Variants in EDEM2 observed in about 807,000 individuals in gnomAD.
EDEM2 encodes ER degradation enhancing alpha-mannosidase like protein 2.
A neutral mutation model predicts 64.8 loss-of-function variants in EDEM2; 39 were observed. That is an observed-to-expected ratio of 0.60 (90% CI 0.47 to 0.79). EDEM2 has a LOEUF of 0.79. EDEM2 is among the 30% of genes least tolerant of loss of function. The pLI is 0.00. For missense variants in EDEM2, 609 were observed against 731.3 expected (o/e 0.83, Z 1.93); for synonymous variants, 296 against 291.5 (o/e 1.02, Z -0.16).
At chr20:35,123,852 A>T (rs1265703011) in intron 9 of EDEM2, 38 bp downstream of exon 9, 3 of 1,606,466 alleles carry the variant, frequency 1.9e-6, no homozygotes, top group Non-Finnish European at 2.6e-6. Context: ...CAGCAACCAG[A>T]GCCTGTGGGC....
In EDEM2 at chr20:35,147,199, A is replaced by G. The variant is rs774894008; in HGVS notation, c.60T>C (p.His20=). 4 of 1,604,234 alleles carry G rather than the reference A, an allele frequency of 2.5e-6. No homozygotes were observed. Among genetic ancestry groups the G allele is most frequent in the South Asian group, 1.1e-5 (1 of 90,138 alleles). The change falls in exon 1 of 11, where the codon CAT becomes CAC. Residue 20 remains histidine (H), a synonymous_variant. Coordinates refer to ENST00000374492, the MANE Select transcript of EDEM2 (RefSeq NM_018217.3). ...GLLCALLPQH[H]GAPGPDGSAP... is the part of the protein sequence containing the mutation. Reference sequence around the variant, plus strand: ...CGGAGCCGTCGGGACCTGGCGCACCATGGTGCTGAGGCAGCAGCGCGCACA... The same window carrying G: ...CGGAGCCGTCGGGACCTGGCGCACCGTGGTGCTGAGGCAGCAGCGCGCACA...
chr20:35,131,864 C>G (rs994989253), intron 6 of EDEM2, 81 bp from the exon 7 acceptor site: 1 of 1,524,170 alleles, frequency 6.6e-7, no homozygotes, highest in Non-Finnish European at 8.9e-7. Context: ...CCCTGACTGC[C>G]CAGGGAGATG....
rs2085335022 is a variant in EDEM2, at chr20:35,118,619, C to T, written c.1215G>A (p.Lys405=). ...TTACTGTTGCAAATCCGCACTCCAC[C>T]TTGCTGATTTTTTCAATGGATTCCA... ...DAVESIEKIS[K]VECGFATIKD... Residue 405 remains lysine, a synonymous_variant, in exon 10 of 11, where the codon AAG becomes AAA. Coordinates refer to ENST00000374492, the MANE Select transcript of EDEM2 (RefSeq NM_018217.3). 6.2e-7 allele frequency: 1 copy of T among 1,613,980 alleles called. No homozygotes were observed. The highest frequency in any genetic ancestry group is 1.3e-5 in the African/African-American group (1 of 74,938).
At chr20:35,129,390 G>C (rs903205878) in intron 7 of EDEM2, among the ~76,000 whole-genome samples, 1 of 151,274 alleles carries the variant, frequency 6.6e-6, no homozygotes, top group African/African-American at 2.4e-5. Flanking sequence ...CTGGGCAACA[G>C]AGTGAGACTC....
At chr20:35,143,218 C>T (rs1320979849) in intron 3 of EDEM2, among the ~76,000 whole-genome samples, 1 of 152,192 alleles carries the variant, frequency 6.6e-6, no homozygotes, top group Non-Finnish European at 1.5e-5. Context: ...GCCTCCTTTG[C>T]TGCTGCAGTT....
At chr20:35,144,898 C>A in intron 3 of EDEM2, 81 bp downstream of exon 3, 1 of 1,494,562 alleles carries the variant, frequency 6.7e-7, no homozygotes, top group South Asian at 1.2e-5. Flanking sequence ...ATTCATTTTT[C>A]ACCCACAGTC....
At chr20:35,140,651 CA>C (rs1173153593) in intron 4 of EDEM2, among the ~76,000 whole-genome samples, 4 of 152,012 alleles carry the variant, frequency 2.6e-5, no homozygotes, top group Admixed American at 2.6e-4. Flanking sequence ...AGGAGGAGAA[CA>C]AAGATTTTCA....
At chr20:35,143,441 C>T (rs887439346) in intron 3 of EDEM2, among the ~76,000 whole-genome samples, 3 of 152,150 alleles carry the variant, frequency 2.0e-5, no homozygotes, top group Non-Finnish European at 2.9e-5. Context: ...AAAACACTAA[C>T]GATACTAGAA....
intron 9 of EDEM2, among the ~76,000 whole-genome samples, chr20:35,122,510 G>A (rs2085381586): frequency 6.6e-6 from 1 of 152,172 alleles, no homozygotes; most frequent in Non-Finnish European, 1.5e-5. Flanking sequence ...CAGTAGCTGA[G>A]ATTACAGGTG....
Position 35,115,547 on chromosome 20 carries a change from G to A in EDEM2, c.1623C>T (p.Asp541=). 1 of 1,614,142 alleles carries A rather than the reference G, an allele frequency of 6.2e-7. No homozygotes were observed. Among genetic ancestry groups the A allele is most frequent in the Non-Finnish European group, 8.5e-7 (1 of 1,180,000 alleles). Residue 541 remains aspartate, a synonymous_variant, in exon 11 of 11, where the codon GAC becomes GAT. Coordinates refer to ENST00000374492, the MANE Select transcript of EDEM2 (RefSeq NM_018217.3). ...TGGCAGGCTTCCTCTCCCTTGCCTG[G>A]TCATGGTTTTCTGGTGAGAAGAGTG... The part of the protein sequence containing the change: ...PGTLFSPENH[D]QARERKPAKQ...
intron 5 of EDEM2, among the ~76,000 whole-genome samples, chr20:35,135,215 C>T (rs565262161): frequency 2.8e-4 from 43 of 152,324 alleles, no homozygotes; most frequent in African/African-American, 7.5e-4. Flanking sequence ...CACACACACT[C>T]GCTTTAGCTA....
chr20:35,131,452 G>A (rs2085503947), intron 7 of EDEM2, among the ~76,000 whole-genome samples, 190 bp downstream of exon 7: 1 of 152,158 alleles, frequency 6.6e-6, no homozygotes, highest in Non-Finnish European at 1.5e-5. Context: ...CACATGCCCA[G>A]CTACTCAGGA....
intron 9 of EDEM2, among the ~76,000 whole-genome samples, chr20:35,121,836 C>T (rs954332821): frequency 6.6e-6 from 1 of 151,998 alleles, no homozygotes; most frequent in Non-Finnish European, 1.5e-5. Context: ...ACTCCATTGC[C>T]CAGGCTGGAT....
chr20:35,131,310 G>A (rs1243641741), intron 7 of EDEM2, among the ~76,000 whole-genome samples: 7 of 152,196 alleles, frequency 4.6e-5, no homozygotes. Context: ...CAACACTTTG[G>A]GAGGCCAAGG....
intron 7 of EDEM2, among the ~76,000 whole-genome samples, chr20:35,129,761 C>T (rs1292679765): frequency 6.6e-6 from 1 of 152,096 alleles, no homozygotes; most frequent in Admixed American, 6.6e-5. Context: ...CCCTTTTATA[C>T]TGTATTTGTA....
intron 4 of EDEM2, 92 bp downstream of exon 4, chr20:35,142,281 T>C (rs1462106192): frequency 9.7e-7 from 1 of 1,035,472 alleles, no homozygotes; most frequent in Non-Finnish European, 1.4e-6. Flanking sequence ...CCTGGCATGG[T>C]CAGTCCTTAA....
Position 35,126,358 on chromosome 20 carries a change from G to C in EDEM2, c.862C>G (p.Arg288Gly). ...AMFLEYNKAI[R>G]NYTRFDDWYL... The stretch of plus-strand genomic sequence containing the variant: ...CAGTCATCGAAGCGGGTGTAGTTCC[G>C]GATGGCTTTGTTATACTCTGCAGTG... The change falls in exon 8 of 11, where the codon CGG (arginine) becomes GGG (glycine). Residue 288 changes from arginine (R) to glycine (G), a missense_variant. Arg to Gly is a moderately radical substitution (Grantham distance 125, BLOSUM62 -2). Coordinates refer to ENST00000374492, the MANE Select transcript of EDEM2 (RefSeq NM_018217.3). The C allele has an allele frequency of 6.2e-7, 1 of 1,613,870 alleles. No individual in the cohort carries two copies. The highest frequency in any genetic ancestry group is 1.3e-5 in the African/African-American group (1 of 74,976).
At chr20:35,118,838 G>A (rs1043728266) in intron 9 of EDEM2, 119 bp from the exon 10 acceptor site, 12 of 1,410,216 alleles carry the variant, frequency 8.5e-6, no homozygotes, top group Non-Finnish European at 1.2e-5. Flanking sequence ...CCAACTAGCA[G>A]GAACACAGGA....
chr20:35,128,961 C>G (rs7347828), intron 7 of EDEM2, among the ~76,000 whole-genome samples: 1 of 151,762 alleles, frequency 6.6e-6, no homozygotes, highest in Non-Finnish European at 1.5e-5. Context: ...TTACAGTAAG[C>G]TAACGTTAAT....
Sources: gnomAD v4.1 joint callset for allele counts (sites outside exome capture counted in the v4.1 genomes callset) on GRCh38, gnomAD v4.1.1 for gene constraint, MANE v1.5 for transcripts, NCBI Gene and HGNC (gene_info 2026-07-23, HGNC 2026-07-21) for gene names.